SYN3: variants seen among roughly 807,000 people sequenced by gnomAD.
SYN3 encodes the protein synapsin-3.
A neutral mutation model predicts 65.8 loss-of-function variants in SYN3; 35 were observed. That is an observed-to-expected ratio of 0.53 (90% CI 0.41 to 0.70). SYN3 has a LOEUF of 0.70. Ranked by LOEUF, SYN3 falls within the 30% of genes least tolerant of loss-of-function variation. SYN3 has a pLI of 0.00. For missense variants in SYN3, 680 were observed against 749.0 expected (o/e 0.91, Z 1.08); for synonymous variants, 270 against 292.9 (o/e 0.92, Z 0.80).
intron 3 of SYN3, among the ~76,000 whole-genome samples, chr22:32,945,680 C>A (rs112504809): frequency 2.0e-5 from 3 of 151,962 alleles, no homozygotes; most frequent in South Asian, 2.1e-4. Context: ...CAAAAGCCAA[C>A]ATTGACAAAT....
chr22:32,851,207 GCAGAGGTT>G (rs1284281995), intron 6 of SYN3, among the ~76,000 whole-genome samples: 2 of 152,164 alleles, frequency 1.3e-5, no homozygotes, highest in Non-Finnish European at 2.9e-5. Flanking sequence ...TTAGACCAAA[GCAGAGGTT>G]CAGAAAACAC....
intron 6 of SYN3, among the ~76,000 whole-genome samples, chr22:32,799,668 GC>G (rs1009089258): frequency 6.6e-6 from 1 of 152,196 alleles, no homozygotes; most frequent in Middle Eastern, 3.2e-3. Flanking sequence ...GTCATGTGGG[GC>G]GCGGGGATAA....
chr22:32,958,858 C>T (rs145067596), intron 3 of SYN3, among the ~76,000 whole-genome samples: 274 of 151,936 alleles, frequency 1.8e-3, no homozygotes, highest in African/African-American at 6.0e-3. Flanking sequence ...CGGCAAAGTC[C>T]GAGACAATGG....
intron 1 of SYN3, among the ~76,000 whole-genome samples, chr22:33,007,509 C>A (rs935058329): frequency 1.1e-4 from 16 of 152,102 alleles, no homozygotes; most frequent in African/African-American, 3.9e-4. Flanking sequence ...GAAATGAGCC[C>A]TTTGGGAGGT....
chr22:32,596,606 G>T, intron 7 of SYN3, 68 bp downstream of exon 7: 1 of 1,536,000 alleles, frequency 6.5e-7, no homozygotes, highest in Non-Finnish European at 9.0e-7. Flanking sequence ...GACAGAGGGA[G>T]AGAGGAACAG....
At chr22:32,894,270 T>C (rs921358060) in intron 4 of SYN3, among the ~76,000 whole-genome samples, 5 of 152,340 alleles carry the variant, frequency 3.3e-5, no homozygotes, top group Non-Finnish European at 7.3e-5. Context: ...TTACATATTA[T>C]AGAAGAAGAA....
At chr22:32,617,211 C>G (rs767034246) in intron 6 of SYN3, among the ~76,000 whole-genome samples, 1 of 152,174 alleles carries the variant, frequency 6.6e-6, no homozygotes, top group African/African-American at 2.4e-5. Flanking sequence ...CTGCCCCCAA[C>G]AAACTTGGAG....
At chr22:33,054,418 C>T (rs1219254681) in intron 1 of SYN3, among the ~76,000 whole-genome samples, 1 of 152,206 alleles carries the variant, frequency 6.6e-6, no homozygotes, top group Non-Finnish European at 1.5e-5. Context: ...GTGAAATTTA[C>T]ATAACTAAAA....
At chr22:32,739,120 T>C (rs1250725423) in intron 6 of SYN3, among the ~76,000 whole-genome samples, 10 of 149,756 alleles carry the variant, frequency 6.7e-5, no homozygotes, top group African/African-American at 2.2e-4. Context: ...GAATTATAGA[T>C]CCCATAATTC....
chr22:32,507,939 CT>C lies in SYN3; in HGVS notation c.*5752del, dbSNP rs1406052948. Among the ~76,000 whole-genome samples the C allele has an allele frequency of 2.0e-5, 3 of 151,928 alleles. No individual in the cohort carries two copies. Among genetic ancestry groups the C allele is most frequent in the East Asian group, 1.9e-4 (1 of 5,200 alleles). On this transcript the variant is annotated 3_prime_UTR_variant, in exon 14 of 14. Coordinates refer to ENST00000358763, the MANE Select transcript of SYN3 (RefSeq NM_003490.4). ...CCCACTCTAGGTTCCCACGCCGCCC[CT>C]AATCCCACTCGAAGCAGCCCTGAGA... is the stretch of plus-strand genomic sequence containing the variant.
intron 1 of SYN3, among the ~76,000 whole-genome samples, chr22:33,040,515 C>T (rs759102474): frequency 8.5e-5 from 13 of 152,096 alleles, no homozygotes; most frequent in African/African-American, 2.9e-4. Flanking sequence ...TTTTTTCAAA[C>T]GTAAGTTTAA....
At chr22:32,539,693 C>A (rs2146225327) in intron 8 of SYN3, among the ~76,000 whole-genome samples, 1 of 152,074 alleles carries the variant, frequency 6.6e-6, no homozygotes, top group East Asian at 1.9e-4. Context: ...TGGAGATGGG[C>A]CAGCCCAAGG....
intron 6 of SYN3, among the ~76,000 whole-genome samples, chr22:32,716,348 A>G (rs2147269750): frequency 6.6e-6 from 1 of 152,120 alleles, no homozygotes; most frequent in East Asian, 1.9e-4. Flanking sequence ...GTATGTGGGT[A>G]GAACCACTGA....
At chr22:32,888,820 A>C (rs191669592) in intron 4 of SYN3, among the ~76,000 whole-genome samples, 1 of 152,106 alleles carries the variant, frequency 6.6e-6, no homozygotes, top group Non-Finnish European at 1.5e-5. Flanking sequence ...AGGGTTGCTC[A>C]ACTGCTAAGG....
chr22:32,942,739 G>A (rs191953339), intron 3 of SYN3, among the ~76,000 whole-genome samples: 12 of 152,290 alleles, frequency 7.9e-5, no homozygotes, highest in Admixed American at 7.8e-4. Context: ...CCAGTGTAGA[G>A]AAGTCCTTAA....
Position 32,952,293 on chromosome 22 carries a change from T to TG in SYN3, c.370-20813dup, listed in dbSNP as rs1208206533. The stretch of plus-strand genomic sequence containing the variant: ...CACACGCATGTGAATAATGTGTGTG[T>TG]GGGGGGGTGTGTGTGTGTGTGGACA... On this transcript the variant is annotated intron_variant, in intron 3 of 13. Coordinates refer to ENST00000358763, the MANE Select transcript of SYN3 (RefSeq NM_003490.4). 3.3e-3 allele frequency among the ~76,000 whole-genome samples: 479 copies of TG among 143,544 alleles called. 3 individuals are homozygous for TG. The highest frequency in any genetic ancestry group is 0.012 in the African/African-American group (444 of 37,210). 94.2% of individuals were successfully genotyped at this position (143,544 alleles called of 152,430 possible).
intron 2 of SYN3, among the ~76,000 whole-genome samples, chr22:32,990,403 T>G (rs937521808): frequency 4.7e-4 from 41 of 86,606 alleles, no homozygotes; most frequent in South Asian, 2.5e-3. Context: ...CATCCATCCA[T>G]CCAGCCATCC....
chr22:32,775,367 G>A (rs2045883964), intron 6 of SYN3, among the ~76,000 whole-genome samples: 1 of 152,096 alleles, frequency 6.6e-6, no homozygotes, highest in Admixed American at 6.6e-5. Flanking sequence ...ATTTTGGGGG[G>A]ACATAATTCA....
intron 6 of SYN3, among the ~76,000 whole-genome samples, chr22:32,795,816 G>A (rs1307394930): frequency 1.3e-5 from 2 of 152,176 alleles, no homozygotes; most frequent in Non-Finnish European, 2.9e-5. Context: ...AAAGAAGGAT[G>A]CGATCAATGG....
Sources: gnomAD v4.1 joint callset for allele counts (sites outside exome capture counted in the v4.1 genomes callset) on GRCh38, gnomAD v4.1.1 for gene constraint, MANE v1.5 for transcripts, NCBI Gene and HGNC (gene_info 2026-07-23, HGNC 2026-07-21) for gene names.